The following EPSTI1 variants were observed in gnomAD, a reference collection of about 807,000 sequenced individuals.
EPSTI1 encodes the protein epithelial stromal interaction 1.
Under a neutral mutation model 49.9 loss-of-function variants are expected in EPSTI1, and 66 were observed. The ratio of observed to expected loss-of-function variants is 1.32; its 90% CI spans 1.08 to 1.62. EPSTI1 has a LOEUF of 1.62. Among genes scored for constraint, EPSTI1 ranks in the 40% most tolerant of loss-of-function variants. EPSTI1 has a pLI of 0.00. For synonymous variants in EPSTI1, 137 were observed against 130.7 expected, an observed-to-expected ratio of 1.05 and a Z score of -0.33; for missense variants, 394 against 365.5, an observed-to-expected ratio of 1.08 and a Z score of -0.64.
At chr13:42,949,591 CAAAAAAAAA>C (rs199737689) in intron 6 of EPSTI1, among the ~76,000 whole-genome samples, 1 of 80,208 alleles carries the variant, frequency 1.2e-5, no homozygotes, top group Non-Finnish European at 3.0e-5. Context: ...GACTCCATGT[CAAAAAAAAA>C]AAAAAAAAGA....
At chr13:42,987,172 C>T (rs1388657783) in intron 1 of EPSTI1, among the ~76,000 whole-genome samples, 1 of 152,070 alleles carries the variant, frequency 6.6e-6, no homozygotes, top group East Asian at 1.9e-4. Flanking sequence ...TACAGGTAGC[C>T]TGGAGACTCC....
At chr13:42,968,766 C>T (rs1354754337) in intron 3 of EPSTI1, among the ~76,000 whole-genome samples, 2 of 152,114 alleles carry the variant, frequency 1.3e-5, no homozygotes, top group Admixed American at 6.6e-5. Context: ...CTGACTAGTG[C>T]TATGACAGGG....
At chr13:42,973,267 T>C (rs964960661) in intron 1 of EPSTI1, among the ~76,000 whole-genome samples, 1 of 152,244 alleles carries the variant, frequency 6.6e-6, no homozygotes, top group African/African-American at 2.4e-5. Flanking sequence ...GGCCAATGTG[T>C]GTAGCTTACA....
intron 5 of EPSTI1, among the ~76,000 whole-genome samples, chr13:42,955,575 G>A (rs932070975): frequency 6.6e-6 from 1 of 152,124 alleles, no homozygotes; most frequent in Non-Finnish European, 1.5e-5. Flanking sequence ...GCCGAGGCGG[G>A]CGGATCATCT....
At chr13:42,943,418 A>T (rs1055307226) in intron 6 of EPSTI1, among the ~76,000 whole-genome samples, 3 of 152,096 alleles carry the variant, frequency 2.0e-5, no homozygotes, top group Non-Finnish European at 4.4e-5. Context: ...ACTATCCTGG[A>T]TCTCTTATGT....
At chr13:42,907,436 C>T (rs2037527898) in intron 8 of EPSTI1, among the ~76,000 whole-genome samples, 1 of 152,128 alleles carries the variant, frequency 6.6e-6, no homozygotes, top group South Asian at 2.1e-4. Flanking sequence ...AAATAAACAA[C>T]CTTGTACAAA....
chr13:42,979,896 A>C (rs1424303714), intron 1 of EPSTI1, among the ~76,000 whole-genome samples: 1 of 152,088 alleles, frequency 6.6e-6, no homozygotes, highest in Non-Finnish European at 1.5e-5. Context: ...AATTGTTTCC[A>C]TTTTAATATT....
In EPSTI1 at chr13:42,969,078, G is replaced by C; in HGVS notation, c.331+16C>G. The C allele has an allele frequency of 1.2e-6, 2 of 1,613,860 alleles. No homozygotes were observed. The highest frequency in any genetic ancestry group is 1.7e-6 in the Non-Finnish European group (2 of 1,179,902). On this transcript the variant is annotated intron_variant, in intron 3 of 10. Transcript: ENST00000313624. ...CCCCGCCCTCCCTCATTCCGGCAGC[G>C]GCTGTGCTTGCTTACCTAGCCGTCT...
chr13:42,932,770 A>G (rs1466195420), intron 6 of EPSTI1, among the ~76,000 whole-genome samples: 2 of 152,240 alleles, frequency 1.3e-5, no homozygotes, highest in East Asian at 3.8e-4. Context: ...ATAACTTAAC[A>G]GTGGAGACCA....
chr13:42,908,435 G>A (rs938728860), intron 8 of EPSTI1, among the ~76,000 whole-genome samples: 36 of 149,390 alleles, frequency 2.4e-4, no homozygotes, highest in African/African-American at 8.1e-4. Flanking sequence ...GCAGTGAGCC[G>A]AGATGGTGCC....
At chr13:42,985,414 T>A (rs2040059852) in intron 1 of EPSTI1, among the ~76,000 whole-genome samples, 1 of 152,158 alleles carries the variant, frequency 6.6e-6, no homozygotes, top group Non-Finnish European at 1.5e-5. Flanking sequence ...TTGTGCAAAG[T>A]TGTAGTTTTT....
chr13:42,946,991 G>A (rs1393750333), intron 6 of EPSTI1, among the ~76,000 whole-genome samples: 1 of 152,132 alleles, frequency 6.6e-6, no homozygotes, highest in African/African-American at 2.4e-5. Flanking sequence ...TGCCAAAAAG[G>A]TTGGGGACCA....
chr13:42,963,134 G>T, intron 5 of EPSTI1, 121 bp downstream of exon 5: 1 of 779,792 alleles, frequency 1.3e-6, no homozygotes, highest in Non-Finnish European at 2.1e-6. Context: ...GAAGAGTGGG[G>T]AATAGAAAGA....
chr13:42,969,798 A>C (rs965706142), intron 2 of EPSTI1: 2 of 152,368 alleles, frequency 1.3e-5, no homozygotes, highest in African/African-American at 2.4e-5. Flanking sequence ...CTGTCACTCC[A>C]GCGCCTCCCC....
intron 6 of EPSTI1, among the ~76,000 whole-genome samples, chr13:42,948,179 A>C (rs1001504403): frequency 2.0e-5 from 3 of 152,258 alleles, no homozygotes; most frequent in African/African-American, 7.2e-5. Flanking sequence ...GAGGCCCAGC[A>C]GCCAGCTGGG....
At chr13:42,914,571 A>G (rs1324928119) in intron 8 of EPSTI1, among the ~76,000 whole-genome samples, 1 of 152,236 alleles carries the variant, frequency 6.6e-6, no homozygotes, top group Non-Finnish European at 1.5e-5. Flanking sequence ...TTTCAGTGAC[A>G]GCATTTGTGA....
chr13:42,933,781 T>A (rs1309884598), intron 6 of EPSTI1: 2 of 152,306 alleles, frequency 1.3e-5, no homozygotes, highest in Non-Finnish European at 2.9e-5. Flanking sequence ...GCTCTTTGAA[T>A]TCTCTGTGAA....
chr13:42,903,197 TG>T (rs1201274490), intron 8 of EPSTI1, among the ~76,000 whole-genome samples: 1 of 138,020 alleles, frequency 7.2e-6, no homozygotes. Context: ...TATATATATA[TG>T]CATACTATGA....
intron 3 of EPSTI1, among the ~76,000 whole-genome samples, chr13:42,968,327 G>C (rs373004187): frequency 2.7e-5 from 4 of 146,740 alleles, no homozygotes; most frequent in African/African-American, 1.1e-4. Flanking sequence ...GTTCTTGGTG[G>C]GGGGGCAGGG....
Sources: allele counts gnomAD v4.1 joint callset (sites outside exome capture counted in the v4.1 genomes callset), GRCh38; gene constraint gnomAD v4.1.1; transcripts MANE v1.5; gene names NCBI Gene and HGNC (gene_info 2026-07-23, HGNC 2026-07-21).